The following FREM3 variants were observed in gnomAD, a reference collection of about 807,000 sequenced individuals.
FREM3 encodes the protein FRAS1 related extracellular matrix 3.
A neutral mutation model predicts 129.1 loss-of-function variants in FREM3; 105 were observed. The observed-to-expected ratio is 0.81, with a 90% CI of 0.69 to 0.96. The LOEUF is 0.96. Among genes scored for constraint, FREM3 ranks in the 40% least tolerant of loss-of-function variants. The pLI is 0.00. For synonymous variants in FREM3, 1,014 were observed against 1,044.9 expected (o/e 0.97, Z 0.57); for missense variants, 2,593 against 2,666.3 (o/e 0.97, Z 0.61).
chr4:143,686,927 C>A (rs112754888), intron 2 of FREM3, among the ~76,000 whole-genome samples: 3,110 of 152,060 alleles, frequency 0.02, 136 homozygotes, highest in African/African-American at 0.072. Context: ...GAAACAAGAA[C>A]AAACCAAACC....
chr4:143,621,209 G>A (rs1257667568), intron 4 of FREM3, 47 bp from the exon 5 acceptor site: 8 of 1,525,366 alleles, frequency 5.2e-6, no homozygotes, highest in Admixed American at 3.9e-5. Flanking sequence ...AGATTTGATC[G>A]GTGATATTTA....
intron 2 of FREM3, among the ~76,000 whole-genome samples, chr4:143,641,164 T>A (rs73852690): frequency 6.6e-6 from 1 of 152,092 alleles, no homozygotes; most frequent in African/African-American, 2.4e-5. Context: ...CCAGAAACAC[T>A]TATTTTTCTA....
intron 2 of FREM3, among the ~76,000 whole-genome samples, chr4:143,673,936 T>G (rs1219193310): frequency 6.6e-6 from 1 of 152,348 alleles, no homozygotes; most frequent in East Asian, 1.9e-4. Flanking sequence ...CTAAGACCAT[T>G]GGAAAAGTGC....
chr4:143,700,349 C>G lies in FREM3; in HGVS notation c.327G>C (p.Ala109=), dbSNP rs998628747. Reference sequence around the variant, plus strand: ...TGCAGGGGAAGCGGCGCGGGGAGAGCGCGCCCTTGAGCCGCGGCAGGGCGT... The same window carrying G: ...TGCAGGGGAAGCGGCGCGGGGAGAGGGCGCCCTTGAGCCGCGGCAGGGCGT... The part of the protein sequence containing the change: ...VLDALPRLKG[A]LSPRRFPCTF... Residue 109 remains alanine, a synonymous_variant, in exon 1 of 8, where the codon GCG becomes GCC. Transcript: ENST00000329798. 6.5e-7 allele frequency: 1 copy of G among 1,534,760 alleles called. No individual in the cohort carries two copies. The highest frequency in any genetic ancestry group is 1.7e-4 in the Middle Eastern group (1 of 5,930).
At chr4:143,693,080 A>G (rs748628789) in intron 2 of FREM3, 33 bp downstream of exon 2, 68 of 1,145,888 alleles carry the variant, frequency 5.9e-5, no homozygotes, top group Non-Finnish European at 8.0e-5. Flanking sequence ...TTAGTTAACC[A>G]TGAATCCTTT....
At chr4:143,648,471 C>T (rs970614123) in intron 2 of FREM3, among the ~76,000 whole-genome samples, 1 of 152,154 alleles carries the variant, frequency 6.6e-6, no homozygotes, top group African/African-American at 2.4e-5. Context: ...TTGTAATAAT[C>T]CCCATGTGTC....
At chr4:143,684,472 G>A (rs1740319082) in intron 2 of FREM3, among the ~76,000 whole-genome samples, 1 of 152,170 alleles carries the variant, frequency 6.6e-6, no homozygotes, top group Admixed American at 6.5e-5. Context: ...ACTACATCAA[G>A]GGAACACCCT....
At chr4:143,675,897 T>C (rs1005357436) in intron 2 of FREM3, among the ~76,000 whole-genome samples, 2 of 151,974 alleles carry the variant, frequency 1.3e-5, no homozygotes, top group African/African-American at 4.8e-5. Flanking sequence ...AGGCAATAAT[T>C]AATAGCTTAC....
intron 2 of FREM3, among the ~76,000 whole-genome samples, chr4:143,682,287 T>C (rs1196756392): frequency 2.0e-5 from 3 of 152,134 alleles, no homozygotes; most frequent in African/African-American, 7.2e-5. Context: ...GCTACTCCCT[T>C]TGACCTTTTC....
intron 2 of FREM3, among the ~76,000 whole-genome samples, chr4:143,647,472 C>T (rs2149847835): frequency 6.6e-6 from 1 of 152,308 alleles, no homozygotes; most frequent in East Asian, 1.9e-4. Flanking sequence ...CCTCCCATCA[C>T]AGGTCCAGAG....
chr4:143,647,262 A>T (rs1739434302), intron 2 of FREM3, among the ~76,000 whole-genome samples: 1 of 152,240 alleles, frequency 6.6e-6, no homozygotes, highest in Admixed American at 6.5e-5. Flanking sequence ...TCTATGTGAC[A>T]AAGCATTCAA....
chr4:143,689,247 T>C (rs1166521277), intron 2 of FREM3, among the ~76,000 whole-genome samples: 2 of 151,936 alleles, frequency 1.3e-5, no homozygotes, highest in East Asian at 3.9e-4. Flanking sequence ...CAAAAGAAGA[T>C]ATACAAATGA....
intron 2 of FREM3, among the ~76,000 whole-genome samples, chr4:143,668,826 T>C (rs1243012211): frequency 6.6e-6 from 1 of 152,226 alleles, no homozygotes; most frequent in Non-Finnish European, 1.5e-5. Context: ...TAAATTACTT[T>C]AGAAAAACCC....
At chr4:143,632,855 G>A (rs1739163667) in intron 2 of FREM3, among the ~76,000 whole-genome samples, 1 of 152,108 alleles carries the variant, frequency 6.6e-6, no homozygotes, top group African/African-American at 2.4e-5. Flanking sequence ...GAAAGTTTAC[G>A]AATTTGTGTT....
At chr4:143,661,663 G>A (rs1400279928) in intron 2 of FREM3, among the ~76,000 whole-genome samples, 24 of 152,146 alleles carry the variant, frequency 1.6e-4, no homozygotes. Context: ...CAGAAGGAAT[G>A]GTACCAGTTC....
At chr4:143,687,393 C>G (rs1578870029) in intron 2 of FREM3, among the ~76,000 whole-genome samples, 2 of 152,134 alleles carry the variant, frequency 1.3e-5, no homozygotes, top group South Asian at 4.2e-4. Flanking sequence ...AACAAAAAAT[C>G]CAGGACCAGA....
intron 5 of FREM3, among the ~76,000 whole-genome samples, chr4:143,612,117 T>G (rs2149839404): frequency 6.6e-6 from 1 of 152,358 alleles, no homozygotes; most frequent in South Asian, 2.1e-4. Flanking sequence ...TACATTAAGA[T>G]TCACCAATGT....
At chr4:143,653,087 C>T (rs1458871112) in intron 2 of FREM3, among the ~76,000 whole-genome samples, 2 of 152,130 alleles carry the variant, frequency 1.3e-5, no homozygotes, top group Non-Finnish European at 2.9e-5. Flanking sequence ...ACACAAATGG[C>T]TCTGATATAA....
chr4:143,627,765 A>C lies in FREM3; in HGVS notation c.5276-5T>G. The C allele has an allele frequency of 6.5e-7, 1 of 1,533,006 alleles. No homozygotes were observed. The highest frequency in any genetic ancestry group is 8.7e-7 in the Non-Finnish European group (1 of 1,143,436). 95.0% of individuals were successfully genotyped at this position (1,533,006 alleles called of 1,614,324 possible). ...GATTTGTTAGTTTATTTCCTCCTGC[A>C]ATTGATAGGGGCAAAGGAAAAGTCA... On this transcript the variant is annotated splice_polypyrimidine_tract_variant and splice_region_variant and intron_variant, in intron 2 of 7. Transcript: ENST00000329798.
Sources: gnomAD v4.1 joint callset for allele counts (sites outside exome capture counted in the v4.1 genomes callset) on GRCh38, gnomAD v4.1.1 for gene constraint, MANE v1.5 for transcripts, NCBI Gene and HGNC (gene_info 2026-07-23, HGNC 2026-07-21) for gene names.